Variants in IL1RL1 observed in about 807,000 individuals in gnomAD.
IL1RL1 encodes interleukin 1 receptor like 1, also known as interleukin-1 receptor-like 1.
Under a neutral mutation model 50.9 loss-of-function variants are expected in IL1RL1, and 32 were observed. That is an observed-to-expected ratio of 0.63 (90% CI 0.47 to 0.84). IL1RL1 has a LOEUF of 0.84. Among genes scored for constraint, IL1RL1 ranks in the 40% least tolerant of loss-of-function variants. The pLI is 0.00. For synonymous variants in IL1RL1, 275 were observed against 236.0 expected (o/e 1.17, Z -1.51); for missense variants, 773 against 662.9 (o/e 1.17, Z -1.82).
At position 102,326,652 on chromosome 2, in the gene IL1RL1, C is replaced by T. The variant is rs566095869; in HGVS notation, c.-149-11464C>T. Among the ~76,000 whole-genome samples the T allele has an allele frequency of 3.4e-5, 5 of 147,698 alleles. No homozygotes were observed. The South Asian group carries it at 8.7e-4, about 26-fold the overall frequency. On this transcript the variant is annotated intron_variant, in intron 1 of 10. Transcript: ENST00000233954. ...ACATAGACTCAAAATAAAGGGATGG[C>T]GGAAGATCTACCAAGCAAATGGAAA...
chr2:102,337,216 G>A (rs1246336470), intron 1 of IL1RL1: 3 of 152,220 alleles, frequency 2.0e-5, no homozygotes, highest in Non-Finnish European at 4.4e-5. Context: ...AGGATGGGAG[G>A]AGTGTCTCCC....
At chr2:102,345,136 T>C (rs1677734773) in intron 8 of IL1RL1, 1 of 877,942 alleles carries the variant, frequency 1.1e-6, no homozygotes, top group South Asian at 5.3e-5. Flanking sequence ...GATAAAGCTG[T>C]CTACAAGTCA....
intron 1 of IL1RL1, among the ~76,000 whole-genome samples, chr2:102,322,424 A>C (rs1676861985): frequency 6.6e-6 from 1 of 152,206 alleles, no homozygotes; most frequent in Non-Finnish European, 1.5e-5. Context: ...AGAATTATTC[A>C]CAGGACAACT....
chr2:102,342,420 G>A (rs572558806), intron 6 of IL1RL1, 126 bp downstream of exon 6: 5 of 649,312 alleles, frequency 7.7e-6, no homozygotes, highest in Non-Finnish European at 1.4e-5. Flanking sequence ...TAAGTGAGGT[G>A]ACATCCCTGA....
At chr2:102,328,403 T>A (rs1405453479) in intron 1 of IL1RL1, among the ~76,000 whole-genome samples, 1 of 152,192 alleles carries the variant, frequency 6.6e-6, no homozygotes, top group Non-Finnish European at 1.5e-5. Context: ...AATATCATAC[T>A]GAATGGGCAA....
At chr2:102,336,576 C>T (rs552533147) in intron 1 of IL1RL1, among the ~76,000 whole-genome samples, 1 of 152,126 alleles carries the variant, frequency 6.6e-6, no homozygotes, top group Non-Finnish European at 1.5e-5. Flanking sequence ...GTTTGTTTTA[C>T]CTGGAGCCCT....
chr2:102,322,372 G>A (rs912821869), intron 1 of IL1RL1, among the ~76,000 whole-genome samples: 17 of 152,074 alleles, frequency 1.1e-4, no homozygotes, highest in African/African-American at 3.1e-4. Context: ...AATTCAGAGC[G>A]GAAACTTATC....
Position 102,325,174 on chromosome 2 carries a change from C to A in IL1RL1, c.-149-12942C>A, listed in dbSNP as rs186750283. On this transcript the variant is annotated intron_variant, in intron 1 of 10. Coordinates refer to ENST00000233954, the MANE Select transcript of IL1RL1 (RefSeq NM_016232.5). Reference sequence around the variant, plus strand: ...CAAAACTTCCAGAGGAACGATCAGGCAGCAACATTTGCTGTTCACCAATAT... The same window carrying A: ...CAAAACTTCCAGAGGAACGATCAGGAAGCAACATTTGCTGTTCACCAATAT... 1.5e-3 allele frequency among the ~76,000 whole-genome samples: 222 copies of A among 151,710 alleles called. 1 individual carries two copies. The highest frequency in any genetic ancestry group is 5.2e-3 in the African/African-American group (214 of 40,990).
At chr2:102,348,609 A>T (rs1677844061) in intron 9 of IL1RL1, among the ~76,000 whole-genome samples, 1 of 152,184 alleles carries the variant, frequency 6.6e-6, no homozygotes, top group Non-Finnish European at 1.5e-5. Flanking sequence ...AGGCAGATAC[A>T]TGTTGCATTT....
chr2:102,348,999 T>C (rs1677859587), intron 9 of IL1RL1, 80 bp from the exon 10 acceptor site: 1 of 1,069,380 alleles, frequency 9.4e-7, no homozygotes, highest in Non-Finnish European at 1.4e-6. Context: ...CCATAAAACT[T>C]GGAGAGGAAT....
intron 1 of IL1RL1, among the ~76,000 whole-genome samples, chr2:102,332,804 T>C (rs1485533554): frequency 6.6e-6 from 1 of 151,860 alleles, no homozygotes; most frequent in African/African-American, 2.4e-5. Flanking sequence ...TAGTTAATTT[T>C]ATGTTATGTA....
intron 1 of IL1RL1, among the ~76,000 whole-genome samples, chr2:102,324,823 G>A (rs976381828): frequency 3.3e-5 from 5 of 152,210 alleles, no homozygotes; most frequent in Admixed American, 6.5e-5. Flanking sequence ...CACCATTGCT[G>A]AGGCTTGAGT....
At position 102,340,166 on chromosome 2, in the gene IL1RL1, C is replaced by A; in HGVS notation, c.341C>A (p.Pro114Gln). The change falls in exon 4 of 11, where the codon CCA becomes CAA. Residue 114 changes from proline to glutamine, a missense_variant. Transcript: ENST00000233954. ...IYKKQSDCNV[P>Q]DYLMYSTVSG... Reference sequence around the variant, plus strand: ...AAAAAACAATCAGATTGCAATGTTCCAGATTATTTGATGTATTCAACAGTA... The same window carrying A: ...AAAAAACAATCAGATTGCAATGTTCAAGATTATTTGATGTATTCAACAGTA... The A allele has an allele frequency of 6.3e-7, 1 of 1,598,056 alleles. No individual in the cohort carries two copies.
intron 6 of IL1RL1, 84 bp downstream of exon 6, chr2:102,342,378 G>A (rs1254329107): frequency 4.2e-6 from 4 of 948,964 alleles, no homozygotes; most frequent in South Asian, 4.0e-5. Context: ...CTTAGCAGGG[G>A]TCAGGCAATT....
chr2:102,331,314 C>A (rs1335211023), intron 1 of IL1RL1, among the ~76,000 whole-genome samples: 2 of 152,132 alleles, frequency 1.3e-5, no homozygotes, highest in East Asian at 3.8e-4. Context: ...GACCTCAGGA[C>A]AAAAGATGTA....
chr2:102,331,694 C>G (rs866648129), intron 1 of IL1RL1, among the ~76,000 whole-genome samples: 1 of 152,186 alleles, frequency 6.6e-6, no homozygotes, highest in Admixed American at 6.6e-5. Flanking sequence ...CAGACTGCTC[C>G]TGTTTAGATC....
chr2:102,317,274 A>G (rs1456958458), intron 1 of IL1RL1, among the ~76,000 whole-genome samples: 1 of 152,106 alleles, frequency 6.6e-6, no homozygotes, highest in African/African-American at 2.4e-5. Flanking sequence ...GAATGGCGTG[A>G]ACCCAGGAGG....
intron 10 of IL1RL1, 95 bp downstream of exon 10, chr2:102,349,341 T>C (rs1677870840): frequency 4.2e-6 from 4 of 952,156 alleles, no homozygotes; most frequent in Non-Finnish European, 6.7e-6. Context: ...ATGAATTGCA[T>C]TTACTACCAC....
intron 1 of IL1RL1, among the ~76,000 whole-genome samples, chr2:102,329,779 C>T (rs1677121261): frequency 6.6e-6 from 1 of 152,112 alleles, no homozygotes; most frequent in Admixed American, 6.5e-5. Context: ...CAAATCAAAA[C>T]CACAATGAGA....
Sources: allele counts gnomAD v4.1 joint callset (sites outside exome capture counted in the v4.1 genomes callset), GRCh38; gene constraint gnomAD v4.1.1; transcripts MANE v1.5; gene names NCBI Gene and HGNC (gene_info 2026-07-23, HGNC 2026-07-21).